Variants in DPT observed in about 807,000 individuals in gnomAD.
DPT encodes the protein tyrosine-rich acidic matrix protein.
A neutral mutation model predicts 31.2 loss-of-function variants in DPT; 21 were observed. That is an observed-to-expected ratio of 0.67 (90% CI 0.48 to 0.97). DPT has a LOEUF of 0.97. Ranked by LOEUF, DPT falls within the 50% of genes least tolerant of loss-of-function variation. The pLI, the probability that DPT is intolerant of heterozygous loss-of-function variation, is 0.00. For synonymous variants in DPT, 91 were observed against 86.9 expected (o/e 1.05, Z -0.26); for missense variants, 262 against 258.8 (o/e 1.01, Z -0.08).
chr1:168,729,165 T>G lies in DPT; in HGVS notation c.10A>C (p.Ser4Arg). The change falls in exon 1 of 4, where the codon AGT becomes CGT. Residue 4 changes from serine to arginine, a missense_variant. Physicochemically the swap from Ser to Arg is moderately radical, Grantham distance 110 (BLOSUM62 -1). Coordinates refer to ENST00000367817, the MANE Select transcript of DPT (RefSeq NM_001937.5). MDL[S>R]LLWVLLPLVT... ...AGGGGCAGAAGTACCCAGAGAAGAC[T>G]GAGGTCCATGCTGCCTGGGATTTTG... is the stretch of plus-strand genomic sequence containing the variant. The G allele has an allele frequency of 2.5e-6, 4 of 1,613,124 alleles. No homozygotes were observed. Among genetic ancestry groups the G allele is most frequent in the Non-Finnish European group, 3.4e-6 (4 of 1,179,336 alleles).
chr1:168,724,455 A>G (rs1650191925), intron 1 of DPT, among the ~76,000 whole-genome samples: 1 of 152,182 alleles, frequency 6.6e-6, no homozygotes, highest in Admixed American at 6.5e-5. Flanking sequence ...GTTATGTACC[A>G]GCACTTGTCT....
At chr1:168,724,274 C>A (rs1650187531) in intron 1 of DPT, among the ~76,000 whole-genome samples, 1 of 152,160 alleles carries the variant, frequency 6.6e-6, no homozygotes, top group Admixed American at 6.5e-5. Context: ...GAGATGTGAA[C>A]AATACAGTTG....
intron 2 of DPT, among the ~76,000 whole-genome samples, chr1:168,713,311 A>C (rs1649906493): frequency 6.6e-6 from 1 of 152,246 alleles, no homozygotes; most frequent in African/African-American, 2.4e-5. Context: ...TTTAAAAAGA[A>C]AAACGTTAAG....
chr1:168,707,086 A>AT (rs1283097468), intron 2 of DPT, among the ~76,000 whole-genome samples: 2 of 152,174 alleles, frequency 1.3e-5, no homozygotes, highest in East Asian at 3.9e-4. Context: ...AGAGCATGGG[A>AT]TTTGGAGGCA....
intron 3 of DPT, among the ~76,000 whole-genome samples, chr1:168,699,330 T>A (rs1357698119): frequency 1.3e-5 from 2 of 152,174 alleles, no homozygotes; most frequent in African/African-American, 2.4e-5. Context: ...TCTTTATTTT[T>A]CTTAAGCATA....
chr1:168,700,565 C>G (rs1320260067), intron 3 of DPT, among the ~76,000 whole-genome samples: 1 of 152,084 alleles, frequency 6.6e-6, no homozygotes, highest in Non-Finnish European at 1.5e-5. Context: ...AATGGGCACT[C>G]CTCTAAGCAT....
intron 1 of DPT, among the ~76,000 whole-genome samples, chr1:168,725,199 C>T (rs1490127539): frequency 6.6e-6 from 1 of 151,144 alleles, no homozygotes; most frequent in African/African-American, 2.4e-5. Context: ...TCTTCCTTTG[C>T]TTTTCTTTCC....
chr1:168,720,498 G>A (rs988936280), intron 1 of DPT, among the ~76,000 whole-genome samples: 7 of 152,104 alleles, frequency 4.6e-5, no homozygotes, highest in Admixed American at 4.6e-4. Flanking sequence ...TGTGGTGTGG[G>A]GTTGAGTCAA....
At chr1:168,713,356 G>A (rs1275275361) in intron 2 of DPT, among the ~76,000 whole-genome samples, 1 of 152,234 alleles carries the variant, frequency 6.6e-6, no homozygotes, top group Non-Finnish European at 1.5e-5. Context: ...GATACTGTGT[G>A]CCACTGGGCA....
chr1:168,709,320 T>C (rs942315840), intron 2 of DPT, among the ~76,000 whole-genome samples: 3 of 152,216 alleles, frequency 2.0e-5, no homozygotes, highest in Non-Finnish European at 4.4e-5. Context: ...GCAACTTCAG[T>C]GACATGTGTT....
intron 2 of DPT, among the ~76,000 whole-genome samples, chr1:168,706,033 T>C (rs1649710943): frequency 6.6e-6 from 1 of 152,228 alleles, no homozygotes; most frequent in African/African-American, 2.4e-5. Context: ...CTCTTTCTTT[T>C]GTAAATTGCC....
chr1:168,706,166 G>A (rs995951120), intron 2 of DPT, among the ~76,000 whole-genome samples: 5 of 152,184 alleles, frequency 3.3e-5, no homozygotes, highest in African/African-American at 1.2e-4. Context: ...CTCTTTGAGG[G>A]ATCACTGGTG....
At chr1:168,724,696 A>G (rs1450617551) in intron 1 of DPT, among the ~76,000 whole-genome samples, 1 of 151,962 alleles carries the variant, frequency 6.6e-6, no homozygotes, top group African/African-American at 2.4e-5. Context: ...ACTCAGAACC[A>G]TGACTCAGGA....
intron 1 of DPT, among the ~76,000 whole-genome samples, chr1:168,714,901 T>C (rs12076001): frequency 0.067 from 10,140 of 152,276 alleles, 1,121 homozygotes; most frequent in African/African-American, 0.23. Flanking sequence ...GGCAGCCCAG[T>C]AGGAAAGCTG....
intron 1 of DPT, among the ~76,000 whole-genome samples, chr1:168,720,130 C>T (rs1020268648): frequency 1.3e-5 from 2 of 152,124 alleles, no homozygotes; most frequent in Non-Finnish European, 2.9e-5. Context: ...CTGACCTTTA[C>T]ATGCTTTGTG....
intron 1 of DPT, among the ~76,000 whole-genome samples, chr1:168,723,840 T>A (rs1484939675): frequency 6.6e-6 from 1 of 152,350 alleles, no homozygotes; most frequent in Non-Finnish European, 1.5e-5. Flanking sequence ...TTTTTAAATT[T>A]TATTTTGAAG....
In DPT at chr1:168,695,860, G is replaced by A. The variant is rs117685082; in HGVS notation, c.*689C>T. ...ATCTCATTTGAGAGTGATCCTCACG[G>A]GTTCCCCTGGCCCCTGCACTCATTT... On this transcript the variant is annotated 3_prime_UTR_variant, in exon 4 of 4. Transcript: ENST00000367817. 278 of 269,212 alleles carry A rather than the reference G, an allele frequency of 1.0e-3. 1 individual carries two copies. In the East Asian group the frequency reaches 0.017, roughly 17 times the overall value. The allele number at this position is 269,212 out of a possible 1,614,324, so 16.7% of individuals were successfully genotyped here.
intron 1 of DPT, among the ~76,000 whole-genome samples, chr1:168,716,859 C>T (rs368459459): frequency 1.3e-5 from 2 of 152,206 alleles, no homozygotes; most frequent in African/African-American, 4.8e-5. Context: ...CTAGCTTCAT[C>T]CATGTCCCTG....
intron 1 of DPT, among the ~76,000 whole-genome samples, chr1:168,727,900 G>T (rs528666117): frequency 6.6e-6 from 1 of 152,126 alleles, no homozygotes; most frequent in Admixed American, 6.5e-5. Flanking sequence ...ACACATCTGG[G>T]TTGCTCTACA....
Sources: allele counts gnomAD v4.1 joint callset (sites outside exome capture counted in the v4.1 genomes callset), GRCh38; gene constraint gnomAD v4.1.1; transcripts MANE v1.5; gene names NCBI Gene and HGNC (gene_info 2026-07-23, HGNC 2026-07-21).